The following ARHGAP26 variants were observed in gnomAD, a reference collection of about 807,000 sequenced individuals.
The protein encoded by ARHGAP26 is rho GTPase-activating protein 26.
ARHGAP26 carries 38 observed loss-of-function variants against 104.8 expected under a neutral mutation model. The observed-to-expected ratio is 0.36, with a 90% CI of 0.28 to 0.48. ARHGAP26 has a LOEUF of 0.48. Among genes scored for constraint, ARHGAP26 ranks in the 20% least tolerant of loss-of-function variants. ARHGAP26 has a pLI of 0.99. For missense variants in ARHGAP26, 704 were observed against 947.9 expected (o/e 0.74, Z 3.38); for synonymous variants, 341 against 340.0 (o/e 1.00, Z -0.03).
At chr5:143,158,485 G>A (rs1800782486) in intron 20 of ARHGAP26, among the ~76,000 whole-genome samples, 2 of 151,992 alleles carry the variant, frequency 1.3e-5, no homozygotes, top group Non-Finnish European at 2.9e-5. Context: ...CACTGGGGAA[G>A]AATTTAGCCT....
intron 11 of ARHGAP26, among the ~76,000 whole-genome samples, chr5:142,973,206 A>G (rs1772536595): frequency 6.6e-6 from 1 of 152,190 alleles, no homozygotes; most frequent in Admixed American, 6.5e-5. Flanking sequence ...GCTAAGATAG[A>G]TAGAAGAGAT....
chr5:143,012,552 C>CATACATACATATATATATATATAT (rs1200923855), intron 11 of ARHGAP26, among the ~76,000 whole-genome samples: 3 of 20,830 alleles, frequency 1.4e-4, no homozygotes, highest in African/African-American at 3.6e-4. Flanking sequence ...TACATACATA[C>CATACATACATATATATATATATAT]ATATATATAT....
At chr5:142,992,341 A>G (rs931438955) in intron 11 of ARHGAP26, among the ~76,000 whole-genome samples, 3 of 152,140 alleles carry the variant, frequency 2.0e-5, no homozygotes, top group African/African-American at 7.2e-5. Context: ...TCTTAACACT[A>G]TTGAATAATT....
chr5:143,124,435 T>G (rs955538572), intron 18 of ARHGAP26, among the ~76,000 whole-genome samples: 4 of 152,214 alleles, frequency 2.6e-5, no homozygotes, highest in African/African-American at 9.6e-5. Flanking sequence ...GAGTCAGAAA[T>G]TTGAGAAGGG....
At chr5:143,042,501 T>G (rs1320978889) in intron 14 of ARHGAP26, among the ~76,000 whole-genome samples, 4 of 152,238 alleles carry the variant, frequency 2.6e-5, no homozygotes, top group Admixed American at 2.0e-4. Flanking sequence ...CAAAAGCCCA[T>G]GAGTCCATGA....
intron 7 of ARHGAP26, 25 bp downstream of exon 7, chr5:142,902,064 C>CT: frequency 6.3e-7 from 1 of 1,597,778 alleles, no homozygotes. Context: ...GGACAGGCTT[C>CT]TTTTATCTGG....
chr5:143,069,970 A>G (rs538423072), intron 17 of ARHGAP26, among the ~76,000 whole-genome samples: 2 of 152,296 alleles, frequency 1.3e-5, no homozygotes, highest in South Asian at 4.1e-4. Flanking sequence ...CTCCCTTCAC[A>G]GCATGTCTTC....
chr5:143,170,633 G>A (rs142942927), intron 20 of ARHGAP26: 5 of 152,318 alleles, frequency 3.3e-5, no homozygotes, highest in African/African-American at 1.2e-4. Context: ...TTTTACATGT[G>A]TGTACTTATT....
chr5:143,149,097 G>A (rs111504019), intron 20 of ARHGAP26, among the ~76,000 whole-genome samples: 6 of 152,228 alleles, frequency 3.9e-5, no homozygotes, highest in African/African-American at 1.4e-4. Flanking sequence ...TAGGTGTCTA[G>A]ATACGATTTA....
chr5:143,093,334 T>A (rs1791741999), intron 17 of ARHGAP26, among the ~76,000 whole-genome samples: 1 of 152,034 alleles, frequency 6.6e-6, no homozygotes, highest in Admixed American at 6.6e-5. Flanking sequence ...AGGCTACTGG[T>A]TGTCAGTGGC....
intron 17 of ARHGAP26, among the ~76,000 whole-genome samples, chr5:143,079,878 C>T (rs1789557904): frequency 6.6e-6 from 1 of 152,132 alleles, no homozygotes; most frequent in Admixed American, 6.5e-5. Context: ...TCTCCTGGTG[C>T]CCAAAGCCTA....
intron 12 of ARHGAP26, among the ~76,000 whole-genome samples, chr5:143,031,150 G>T (rs1275043137): frequency 1.3e-5 from 2 of 152,266 alleles, no homozygotes; most frequent in Admixed American, 6.5e-5. Flanking sequence ...GACAGCCAGT[G>T]TGGCTAGGTG....
intron 21 of ARHGAP26, among the ~76,000 whole-genome samples, chr5:143,212,990 A>G (rs2151388512): frequency 6.6e-6 from 1 of 152,282 alleles, no homozygotes; most frequent in East Asian, 1.9e-4. Context: ...CTAAAAATAC[A>G]ATAAATTAGC....
At chr5:142,873,829 C>T (rs1561994220) in intron 2 of ARHGAP26, among the ~76,000 whole-genome samples, 1 of 152,084 alleles carries the variant, frequency 6.6e-6, no homozygotes, top group Admixed American at 6.5e-5. Flanking sequence ...ATATGTAGAA[C>T]ACAGGTAGAT....
chr5:142,865,483 T>G (rs1754109620), intron 1 of ARHGAP26, among the ~76,000 whole-genome samples: 1 of 148,814 alleles, frequency 6.7e-6, no homozygotes, highest in Admixed American at 6.6e-5. Flanking sequence ...GAGAAGTTTT[T>G]TTTTTTTTTT....
chr5:143,066,542 G>A (rs79987803), intron 17 of ARHGAP26, among the ~76,000 whole-genome samples: 4 of 152,282 alleles, frequency 2.6e-5, no homozygotes, highest in Middle Eastern at 3.4e-3. Context: ...GGAGAAATCC[G>A]GGAACGGGAG....
At chr5:143,116,331 C>T (rs1795436360) in intron 17 of ARHGAP26, among the ~76,000 whole-genome samples, 2 of 152,166 alleles carry the variant, frequency 1.3e-5, no homozygotes, top group Non-Finnish European at 2.9e-5. Context: ...GCTGTTGCTC[C>T]ACCCATCCAA....
intron 1 of ARHGAP26, among the ~76,000 whole-genome samples, chr5:142,863,318 A>G (rs755241709): frequency 1.3e-5 from 2 of 152,126 alleles, no homozygotes; most frequent in Admixed American, 6.5e-5. Flanking sequence ...TGTGTTGGCC[A>G]GGCTGGTCTT....
chr5:143,043,589 A>G (rs1226333642), intron 14 of ARHGAP26, among the ~76,000 whole-genome samples: 2 of 152,134 alleles, frequency 1.3e-5, no homozygotes, highest in African/African-American at 4.8e-5. Context: ...TTGTATGGCG[A>G]TAGGGTCAAT....
Sources: gnomAD v4.1 joint callset for allele counts (sites outside exome capture counted in the v4.1 genomes callset) on GRCh38, gnomAD v4.1.1 for gene constraint, MANE v1.5 for transcripts, NCBI Gene and HGNC (gene_info 2026-07-23, HGNC 2026-07-21) for gene names.